The following ALDH1A2 variants were observed in gnomAD, a reference collection of about 807,000 sequenced individuals.
ALDH1A2 encodes retinal dehydrogenase 2.
In ALDH1A2, 27 loss-of-function variants were observed where a neutral mutation model predicts 60.3. The observed-to-expected ratio is 0.45, with a 90% confidence interval of 0.33 to 0.62. The LOEUF (loss-of-function observed/expected upper bound fraction) is 0.62, where lower values mean the gene tolerates loss of function less well. Among genes scored for constraint, ALDH1A2 ranks in the 20% least tolerant of loss-of-function variants. ALDH1A2 has a pLI of 0.02. For synonymous variants in ALDH1A2, 289 were observed against 232.4 expected (o/e 1.24, Z -2.21); for missense variants, 581 against 643.8 (o/e 0.90, Z 1.06).
At chr15:57,955,892 T>A (rs1893508061) in intron 12 of ALDH1A2, among the ~76,000 whole-genome samples, 1 of 152,188 alleles carries the variant, frequency 6.6e-6, no homozygotes, top group African/African-American at 2.4e-5. Context: ...TTTTTTCCCC[T>A]TATCTAATCT....
At chr15:57,961,053 A>G in intron 11 of ALDH1A2, 84 bp downstream of exon 11, 2 of 1,569,256 alleles carry the variant, frequency 1.3e-6, no homozygotes, top group Non-Finnish European at 1.7e-6. Flanking sequence ...GGTATTCCCC[A>G]TCCTTCCAAG....
chr15:58,013,660 G>A (rs1242679611), intron 3 of ALDH1A2, among the ~76,000 whole-genome samples, 198 bp downstream of exon 3: 4 of 152,188 alleles, frequency 2.6e-5, no homozygotes, highest in African/African-American at 9.7e-5. Flanking sequence ...GCTGAGGCAG[G>A]AGAATCGCTT....
intron 7 of ALDH1A2, among the ~76,000 whole-genome samples, chr15:57,984,299 C>A (rs1237332264): frequency 2.0e-5 from 3 of 152,174 alleles, no homozygotes; most frequent in African/African-American, 7.2e-5. Context: ...AGTGCTAAAT[C>A]AATGTTGGCT....
At chr15:57,982,731 T>A (rs137986302) in intron 7 of ALDH1A2, among the ~76,000 whole-genome samples, 1 of 152,332 alleles carries the variant, frequency 6.6e-6, no homozygotes, top group African/African-American at 2.4e-5. Context: ...TCAATGTGGT[T>A]AAGAATAATA....
At chr15:58,033,940 C>T (rs1048376537) in intron 1 of ALDH1A2, among the ~76,000 whole-genome samples, 3 of 150,216 alleles carry the variant, frequency 2.0e-5, no homozygotes, top group African/African-American at 7.3e-5. Flanking sequence ...CTCTTTTGTT[C>T]TTTTCCTTCA....
chr15:58,024,900 C>T (rs760372436), intron 1 of ALDH1A2, among the ~76,000 whole-genome samples: 1 of 152,064 alleles, frequency 6.6e-6, no homozygotes, highest in Non-Finnish European at 1.5e-5. Flanking sequence ...GGAAACGATA[C>T]AAATACATGG....
At chr15:58,029,916 G>C (rs1896186706) in intron 1 of ALDH1A2, among the ~76,000 whole-genome samples, 2 of 152,094 alleles carry the variant, frequency 1.3e-5, no homozygotes, top group African/African-American at 4.8e-5. Flanking sequence ...AAAAAGTCCA[G>C]GACCAGATGG....
At chr15:58,061,610 C>CAAAAAAAA (rs1216992550) in intron 1 of ALDH1A2, among the ~76,000 whole-genome samples, 1 of 100,330 alleles carries the variant, frequency 1.0e-5, no homozygotes. Flanking sequence ...AAAAAAAAAA[C>CAAAAAAAA]AAAAAAAAAA....
chr15:58,047,087 C>G (rs1403763279), intron 1 of ALDH1A2, among the ~76,000 whole-genome samples: 2 of 152,018 alleles, frequency 1.3e-5, no homozygotes, highest in African/African-American at 2.4e-5. Context: ...ACTATATAGG[C>G]AGGCTGCCAT....
At chr15:57,955,417 C>A in intron 12 of ALDH1A2, 148 bp from the exon 13 acceptor site, 2 of 781,462 alleles carry the variant, frequency 2.6e-6, no homozygotes, top group Non-Finnish European at 4.5e-6. Context: ...TATGCGCAGC[C>A]CAGCCTTCCT....
chr15:58,009,863 G>A (rs916159147), intron 4 of ALDH1A2, among the ~76,000 whole-genome samples: 1 of 152,064 alleles, frequency 6.6e-6, no homozygotes, highest in Non-Finnish European at 1.5e-5. Flanking sequence ...TCTTGGGGTT[G>A]CTGTGAAAGC....
At chr15:58,000,090 T>C (rs1895212055) in intron 4 of ALDH1A2, among the ~76,000 whole-genome samples, 1 of 151,766 alleles carries the variant, frequency 6.6e-6, no homozygotes. Context: ...TCAAGATAAA[T>C]AGCTAATGCA....
rs979832486 is a variant in ALDH1A2 at position 58,065,561 on chromosome 15, C to G, written c.90G>C (p.Thr30=). ...MASLHLLPSP[T]PNLEIKYTKI... is the part of the protein sequence containing the mutation. ...TGGTGTACTTAATTTCGAGATTGGG[C>G]GTGGGCGACGGCAGGAGGTGCAGCG... Residue 30 remains threonine, a synonymous_variant, in exon 1 of 13, where the codon ACG becomes ACC. Coordinates refer to ENST00000249750, the MANE Select transcript of ALDH1A2 (RefSeq NM_003888.4). 1 of 1,613,592 alleles carries G rather than the reference C, an allele frequency of 6.2e-7. No homozygotes were observed. The highest frequency in any genetic ancestry group is 8.5e-7 in the Non-Finnish European group (1 of 1,179,714).
intron 1 of ALDH1A2, among the ~76,000 whole-genome samples, chr15:58,054,228 C>A (rs1042534281): frequency 4.0e-5 from 6 of 151,802 alleles, no homozygotes; most frequent in African/African-American, 2.4e-5. Context: ...AAGAGAAGCA[C>A]AAAAGGGGAG....
chr15:58,017,728 A>T (rs1167408290), intron 1 of ALDH1A2, among the ~76,000 whole-genome samples: 2 of 152,172 alleles, frequency 1.3e-5, no homozygotes, highest in African/African-American at 2.4e-5. Context: ...ATGAAATAAA[A>T]ACGTGGTTTG....
intron 1 of ALDH1A2, among the ~76,000 whole-genome samples, chr15:58,022,740 T>A (rs1215382230): frequency 6.6e-6 from 1 of 152,146 alleles, no homozygotes; most frequent in African/African-American, 2.4e-5. Context: ...AAATCACAGA[T>A]ATCACTGATG....
At chr15:58,058,234 C>A in intron 1 of ALDH1A2, 1 of 589,772 alleles carries the variant, frequency 1.7e-6, no homozygotes, top group Non-Finnish European at 3.0e-6. Context: ...ACACACATCT[C>A]AGTCTGGAAA....
chr15:58,016,297 C>G (rs1198059979), intron 1 of ALDH1A2, among the ~76,000 whole-genome samples: 1 of 152,032 alleles, frequency 6.6e-6, no homozygotes, highest in Non-Finnish European at 1.5e-5. Context: ...GCACCCACCA[C>G]CATGCCCAGC....
chr15:58,032,438 T>C (rs759953048), intron 1 of ALDH1A2, among the ~76,000 whole-genome samples: 17 of 152,238 alleles, frequency 1.1e-4, no homozygotes, highest in Middle Eastern at 6.8e-3. Flanking sequence ...CACACCAACA[T>C]GGCACATGTA....
Sources: gnomAD v4.1 joint callset for allele counts (sites outside exome capture counted in the v4.1 genomes callset) on GRCh38, gnomAD v4.1.1 for gene constraint, MANE v1.5 for transcripts, NCBI Gene and HGNC (gene_info 2026-07-23, HGNC 2026-07-21) for gene names.